LRMDA: variants seen among roughly 807,000 people sequenced by gnomAD.
LRMDA encodes leucine rich melanocyte differentiation associated.
A neutral mutation model predicts 29.8 loss-of-function variants in LRMDA; 18 were observed. That is an observed-to-expected ratio of 0.60 (90% confidence interval 0.42 to 0.90). LRMDA has a LOEUF of 0.90. Ranked by LOEUF, LRMDA falls within the 40% of genes least tolerant of loss-of-function variation. The pLI is 0.00. For synonymous variants in LRMDA, 125 were observed against 109.4 expected (o/e 1.14, Z -0.89); for missense variants, 273 against 273.9 (o/e 1.00, Z 0.02).
chr10:75,481,786 C>T (rs1364682680), intron 2 of LRMDA, among the ~76,000 whole-genome samples: 1 of 152,172 alleles, frequency 6.6e-6, no homozygotes, highest in Non-Finnish European at 1.5e-5. Context: ...CTCTCTCTGC[C>T]CAGCCACACC....
At chr10:76,328,014 G>T (rs1485214497) in intron 6 of LRMDA, among the ~76,000 whole-genome samples, 3 of 152,148 alleles carry the variant, frequency 2.0e-5, no homozygotes, top group Non-Finnish European at 4.4e-5. Flanking sequence ...TCAAGGAAGG[G>T]GTCAGACTCT....
chr10:75,499,770 T>G (rs781516912), intron 2 of LRMDA, among the ~76,000 whole-genome samples: 26 of 152,042 alleles, frequency 1.7e-4, no homozygotes, highest in Non-Finnish European at 3.7e-4. Flanking sequence ...AGGGGTTGTT[T>G]TCATCTCAGT....
chr10:75,976,922 G>T (rs568516161), intron 2 of LRMDA, among the ~76,000 whole-genome samples: 1 of 152,140 alleles, frequency 6.6e-6, no homozygotes, highest in African/African-American at 2.4e-5. Context: ...GCTCAGTAGA[G>T]CTTTGTTGGG....
chr10:76,093,156 G>T (rs534335978), intron 5 of LRMDA, among the ~76,000 whole-genome samples: 2 of 152,130 alleles, frequency 1.3e-5, no homozygotes, highest in South Asian at 4.2e-4. Context: ...TCCTGCCTCA[G>T]CCTCCCGAGT....
At chr10:76,528,617 G>T (rs1462622042) in intron 6 of LRMDA, among the ~76,000 whole-genome samples, 2 of 152,104 alleles carry the variant, frequency 1.3e-5, no homozygotes, top group Non-Finnish European at 2.9e-5. Flanking sequence ...AATAGTTTCA[G>T]AGAGAAGGGG....
intron 2 of LRMDA, among the ~76,000 whole-genome samples, chr10:75,808,699 AG>A (rs5786190): frequency 0.042 from 6,360 of 152,152 alleles, 403 homozygotes; most frequent in East Asian, 0.33. Flanking sequence ...TGGTAGAGAC[AG>A]GGTTTCACCA....
intron 6 of LRMDA, among the ~76,000 whole-genome samples, chr10:76,406,022 A>G (rs940825415): frequency 1.3e-5 from 2 of 152,218 alleles, no homozygotes; most frequent in African/African-American, 2.4e-5. Flanking sequence ...ATGTCCTCTT[A>G]TTTAACTGGC....
chr10:76,491,114 A>C (rs755652777), intron 6 of LRMDA, among the ~76,000 whole-genome samples: 3 of 151,808 alleles, frequency 2.0e-5, no homozygotes, highest in Non-Finnish European at 4.4e-5. Flanking sequence ...TTCTATGTAT[A>C]TTGTATTATA....
intron 6 of LRMDA, among the ~76,000 whole-genome samples, chr10:76,440,033 G>C (rs1381016207): frequency 6.6e-6 from 1 of 152,172 alleles, no homozygotes; most frequent in African/African-American, 2.4e-5. Context: ...CTCACTCTTG[G>C]TTGCATCTCA....
At chr10:76,340,276 G>A (rs1564728882) in intron 6 of LRMDA, among the ~76,000 whole-genome samples, 1 of 152,032 alleles carries the variant, frequency 6.6e-6, no homozygotes, top group Non-Finnish European at 1.5e-5. Flanking sequence ...AACACTTTCG[G>A]AGGCCAAGCA....
At chr10:75,867,740 C>T (rs560531445) in intron 2 of LRMDA, among the ~76,000 whole-genome samples, 1 of 152,212 alleles carries the variant, frequency 6.6e-6, no homozygotes, top group African/African-American at 2.4e-5. Flanking sequence ...CTGTGATTCC[C>T]CTTTCTAGGT....
intron 6 of LRMDA, among the ~76,000 whole-genome samples, chr10:76,513,312 C>A (rs1338026990): frequency 6.6e-6 from 1 of 152,138 alleles, no homozygotes; most frequent in African/African-American, 2.4e-5. Context: ...ATCCTTTTTA[C>A]TTTTCAATTT....
chr10:75,733,387 G>A (rs146233485), intron 2 of LRMDA, among the ~76,000 whole-genome samples: 9 of 152,178 alleles, frequency 5.9e-5, no homozygotes, highest in Non-Finnish European at 1.2e-4. Flanking sequence ...GAAGGAGTTC[G>A]TATGGTTCAT....
intron 2 of LRMDA, among the ~76,000 whole-genome samples, chr10:75,766,818 G>C (rs1415429589): frequency 6.6e-6 from 1 of 151,656 alleles, no homozygotes. Context: ...GACGGGCCCC[G>C]GTGTGTGATG....
chr10:76,539,393 T>C (rs1440003783), intron 6 of LRMDA, among the ~76,000 whole-genome samples: 3 of 152,164 alleles, frequency 2.0e-5, no homozygotes, highest in Non-Finnish European at 4.4e-5. Context: ...CCAAGGAGTT[T>C]TTTCTTTACA....
intron 6 of LRMDA, among the ~76,000 whole-genome samples, chr10:76,383,967 T>TC (rs371090443): frequency 0.032 from 4,927 of 151,918 alleles, 94 homozygotes; most frequent in African/African-American, 0.058. Context: ...CCATTTTTTT[T>TC]TCTCTCTCTC....
chr10:75,566,625 C>G (rs962307568), intron 2 of LRMDA, among the ~76,000 whole-genome samples: 3 of 152,152 alleles, frequency 2.0e-5, no homozygotes, highest in African/African-American at 7.2e-5. Context: ...AGCTTCTCTC[C>G]TTTTGACTTC....
intron 2 of LRMDA, among the ~76,000 whole-genome samples, chr10:75,459,471 C>T (rs986662502): frequency 2.6e-5 from 4 of 152,180 alleles, no homozygotes; most frequent in African/African-American, 9.7e-5. Context: ...ATCCCCTATG[C>T]TATGCTGCAC....
chr10:76,149,940 G>C lies in LRMDA; in HGVS notation c.516+91157G>C, dbSNP rs1274149131. ...GTTGATGAGGGGAAGCCCTGGGAGG[G>C]AGAAGAAAGGTTATAAAGAGAGAGG... On this transcript the variant is annotated intron_variant, in intron 5 of 6. Coordinates refer to ENST00000611255, the MANE Select transcript of LRMDA (RefSeq NM_001305581.2). 2.0e-5 allele frequency among the ~76,000 whole-genome samples: 3 copies of C among 152,298 alleles called. No homozygotes were observed. In the East Asian group the frequency reaches 5.8e-4, roughly 29 times the overall value.
Sources: allele counts gnomAD v4.1 joint callset (sites outside exome capture counted in the v4.1 genomes callset), GRCh38; gene constraint gnomAD v4.1.1; transcripts MANE v1.5; gene names NCBI Gene and HGNC (gene_info 2026-07-23, HGNC 2026-07-21).